The following DOCK1 variants were observed in gnomAD, a reference collection of about 807,000 sequenced individuals.
The protein encoded by DOCK1 is dedicator of cytokinesis protein 1.
In DOCK1, 138 loss-of-function variants were observed where a neutral mutation model predicts 262.7. The ratio of observed to expected loss-of-function variants is 0.53; its 90% CI spans 0.46 to 0.61. DOCK1 has a LOEUF of 0.61. Among genes scored for constraint, DOCK1 ranks in the 20% least tolerant of loss-of-function variants. The pLI is 0.00. For synonymous variants in DOCK1, 866 were observed against 867.4 expected, an observed-to-expected ratio of 1.00 and a Z score of 0.03; for missense variants, 1,908 against 2,370.7, an observed-to-expected ratio of 0.80 and a Z score of 4.05.
chr10:126,998,111 A>C lies in DOCK1; in HGVS notation c.629A>C (p.Asp210Ala). The C allele has an allele frequency of 1.2e-6, 2 of 1,614,038 alleles. No individual in the cohort carries two copies. The highest frequency in any genetic ancestry group is 1.7e-6 in the Non-Finnish European group (2 of 1,179,894). ...ACACAGTCTCAAAAGCAGAACATAG[A>C]TATTAACAGACAAGCCAAGTTTGCT... ...QEEKSQKQNI[D>A]INRQAKFAAT... is the part of the protein sequence containing the mutation. Residue 210 changes from aspartate to alanine, a missense_variant, in exon 8 of 52, where the codon GAT becomes GCT. Around this residue, in one of 9 missense-constraint regions of DOCK1, gnomAD observed 227 missense variants for 254.1 expected, o/e 0.89. Transcript: ENST00000623213.
chr10:127,173,889 C>T (rs2054818120), intron 27 of DOCK1, among the ~76,000 whole-genome samples: 1 of 152,152 alleles, frequency 6.6e-6, no homozygotes, highest in Non-Finnish European at 1.5e-5. Flanking sequence ...GATTTTTGTA[C>T]ATTTGGCTGG....
chr10:127,418,574 A>C (rs1231604424), intron 45 of DOCK1, 33 bp downstream of exon 45: 12 of 1,594,970 alleles, frequency 7.5e-6, no homozygotes, highest in Non-Finnish European at 9.4e-6. Flanking sequence ...CTGGGCAAGC[A>C]GTCCTGCCCG....
intron 12 of DOCK1, among the ~76,000 whole-genome samples, chr10:127,017,981 A>G (rs1369537922): frequency 6.6e-6 from 1 of 152,190 alleles, no homozygotes; most frequent in Non-Finnish European, 1.5e-5. Flanking sequence ...CACATCCCGC[A>G]CACACGCCCT....
In DOCK1 at chr10:127,310,813, G is replaced by A. The variant is rs534935585; in HGVS notation, c.3045-28193G>A. ...GAACACATTACTACAATCTCTTAAT[G>A]CCCCAAACTAGGAGACTGATTTATC... is the stretch of plus-strand genomic sequence containing the variant. On this transcript the variant is annotated intron_variant, in intron 29 of 51. Coordinates refer to ENST00000623213, the MANE Select transcript of DOCK1 (RefSeq NM_001290223.2). Among the ~76,000 whole-genome samples the A allele has an allele frequency of 7.9e-4, 120 of 152,198 alleles. 1 individual carries two copies. Among genetic ancestry groups the A allele is most frequent in the Non-Finnish European group, 1.5e-3 (99 of 68,020 alleles).
At chr10:127,040,015 G>C (rs74322978) in intron 19 of DOCK1, among the ~76,000 whole-genome samples, 1 of 152,066 alleles carries the variant, frequency 6.6e-6, no homozygotes, top group South Asian at 2.1e-4. Flanking sequence ...AGCCCAATAC[G>C]TGCAGCTCCA....
intron 23 of DOCK1, among the ~76,000 whole-genome samples, chr10:127,070,857 T>TATTG (rs1250902027): frequency 6.6e-6 from 1 of 151,934 alleles, no homozygotes; most frequent in Non-Finnish European, 1.5e-5. Flanking sequence ...CCTGGCCATA[T>TATTG]ATTGAGTCAG....
chr10:127,013,036 G>A (rs1355620109), intron 12 of DOCK1, among the ~76,000 whole-genome samples: 8 of 152,220 alleles, frequency 5.3e-5, no homozygotes, highest in Admixed American at 3.9e-4. Context: ...GAGCTTAGGT[G>A]AACAGACCTG....
chr10:127,292,127 CTGT>C (rs1185575376), intron 29 of DOCK1, among the ~76,000 whole-genome samples: 1 of 152,220 alleles, frequency 6.6e-6, no homozygotes, highest in Non-Finnish European at 1.5e-5. Context: ...ATAGACCACT[CTGT>C]TGTTGGACAG....
intron 27 of DOCK1, among the ~76,000 whole-genome samples, chr10:127,188,998 G>T (rs1839608534): frequency 8.5e-5 from 13 of 152,194 alleles, no homozygotes; most frequent in Admixed American, 8.5e-4. Flanking sequence ...TGTGAGCTGG[G>T]TCAGGGCTCA....
At chr10:127,037,990 T>TC (rs1222334540) in intron 19 of DOCK1, among the ~76,000 whole-genome samples, 174 bp downstream of exon 19, 5 of 151,910 alleles carry the variant, frequency 3.3e-5, no homozygotes, top group Non-Finnish European at 5.9e-5. Context: ...TCTCAGCACT[T>TC]TGGGAGGCCG....
At chr10:126,979,511 T>C (rs2134804464) in intron 3 of DOCK1, among the ~76,000 whole-genome samples, 1 of 152,326 alleles carries the variant, frequency 6.6e-6, no homozygotes, top group Middle Eastern at 3.4e-3. Context: ...CTGGGCTGGA[T>C]GTGCCCCAGG....
At chr10:127,319,309 A>G (rs1001631636) in intron 29 of DOCK1, among the ~76,000 whole-genome samples, 2 of 152,210 alleles carry the variant, frequency 1.3e-5, no homozygotes, top group Admixed American at 1.3e-4. Context: ...TGGATTGTGT[A>G]GCATAAAGAA....
intron 1 of DOCK1, among the ~76,000 whole-genome samples, chr10:126,949,063 C>A (rs1213928832): frequency 6.6e-6 from 1 of 152,158 alleles, no homozygotes; most frequent in Non-Finnish European, 1.5e-5. Context: ...ATCCTGGCCT[C>A]CCCTTTCTGG....
chr10:127,010,037 T>C (rs887714397), intron 11 of DOCK1, among the ~76,000 whole-genome samples: 3 of 152,212 alleles, frequency 2.0e-5, no homozygotes, highest in African/African-American at 7.2e-5. Flanking sequence ...CCTGCGTTAT[T>C]GAGCTGGGAG....
chr10:127,223,879 G>T (rs2058534787), intron 27 of DOCK1, among the ~76,000 whole-genome samples: 1 of 152,180 alleles, frequency 6.6e-6, no homozygotes, highest in Non-Finnish European at 1.5e-5. Flanking sequence ...GAGGCTCAGG[G>T]TGGAGCTTGG....
intron 21 of DOCK1, among the ~76,000 whole-genome samples, chr10:127,051,931 T>G (rs1365529555): frequency 6.6e-6 from 1 of 152,148 alleles, no homozygotes; most frequent in Non-Finnish European, 1.5e-5. Flanking sequence ...GTCACCACTA[T>G]CCATCAGAGA....
chr10:127,347,830 CAG>C (rs2063703924), intron 31 of DOCK1, among the ~76,000 whole-genome samples: 22 of 107,156 alleles, frequency 2.1e-4, no homozygotes, highest in African/African-American at 8.4e-4. Context: ...CCCAACCCCT[CAG>C]CCTTCCCTTC....
intron 46 of DOCK1, among the ~76,000 whole-genome samples, chr10:127,421,807 T>C (rs1414935080): frequency 6.6e-6 from 1 of 152,234 alleles, no homozygotes; most frequent in African/African-American, 2.4e-5. Context: ...CAGAACTTCA[T>C]TCCTTTTTAA....
intron 29 of DOCK1, among the ~76,000 whole-genome samples, chr10:127,288,017 A>C (rs1438018594): frequency 6.6e-6 from 1 of 152,226 alleles, no homozygotes; most frequent in Non-Finnish European, 1.5e-5. Flanking sequence ...GTGTTTATTA[A>C]AGGAAAGGAA....
Sources: gnomAD v4.1 joint callset for allele counts (sites outside exome capture counted in the v4.1 genomes callset) on GRCh38, gnomAD v4.1.1 for gene constraint, gnomAD v4.1.1 regional missense constraint, MANE v1.5 for transcripts, NCBI Gene and HGNC (gene_info 2026-07-23, HGNC 2026-07-21) for gene names.